Variants in PPP1R42 observed in about 807,000 individuals in gnomAD.
The protein encoded by PPP1R42 is protein phosphatase 1 regulatory subunit 42.
Under a neutral mutation model 31.0 loss-of-function variants are expected in PPP1R42, and 34 were observed. That is an observed-to-expected ratio of 1.10 (90% CI 0.83 to 1.46). The LOEUF is 1.46. PPP1R42 is among the 40% of genes most tolerant of loss of function. The pLI is 0.00. For synonymous variants in PPP1R42, 103 were observed against 109.8 expected (o/e 0.94, Z 0.39); for missense variants, 268 against 303.0 (o/e 0.88, Z 0.86).
At chr8:67,018,196 A>G (rs570294219) in intron 1 of PPP1R42, among the ~76,000 whole-genome samples, 2 of 151,278 alleles carry the variant, frequency 1.3e-5, no homozygotes, top group East Asian at 2.0e-4. Context: ...GCTCACTGCA[A>G]TCTCCCCCTC....
chr8:66,993,504 A>G (rs1815249986), intron 5 of PPP1R42, among the ~76,000 whole-genome samples: 1 of 152,164 alleles, frequency 6.6e-6, no homozygotes, highest in Non-Finnish European at 1.5e-5. Flanking sequence ...AACCTGCCCC[A>G]GGACCTTGGC....
chr8:66,984,526 G>C, intron 6 of PPP1R42: 1 of 1,262,980 alleles, frequency 7.9e-7, no homozygotes, highest in Non-Finnish European at 1.2e-6. Context: ...CTTGGCTGGG[G>C]TGCTAAATTT....
intron 1 of PPP1R42, among the ~76,000 whole-genome samples, chr8:67,022,745 C>T (rs182622548): frequency 6.6e-6 from 1 of 152,182 alleles, no homozygotes; most frequent in African/African-American, 2.4e-5. Flanking sequence ...CCAATTACCC[C>T]AGTACTTGGG....
At chr8:66,976,999 C>A (rs1367815191) in intron 7 of PPP1R42, among the ~76,000 whole-genome samples, 3 of 147,824 alleles carry the variant, frequency 2.0e-5, no homozygotes, top group Admixed American at 2.0e-4. Context: ...CAAGGAAAAT[C>A]TGGTAGTGTT....
intron 5 of PPP1R42, among the ~76,000 whole-genome samples, chr8:66,996,307 C>T (rs1480926647): frequency 1.3e-5 from 2 of 152,226 alleles, no homozygotes; most frequent in Non-Finnish European, 2.9e-5. Context: ...CTGCCTTGGC[C>T]TCCCAAAGTG....
At chr8:67,001,271 G>A (rs1350660376) in intron 5 of PPP1R42, among the ~76,000 whole-genome samples, 4 of 144,006 alleles carry the variant, frequency 2.8e-5, no homozygotes, top group Admixed American at 1.4e-4. Flanking sequence ...GGCTGCTCTC[G>A]AACTCCTGGG....
chr8:67,007,666 C>T (rs1367709378), intron 5 of PPP1R42, among the ~76,000 whole-genome samples: 1 of 152,168 alleles, frequency 6.6e-6, no homozygotes, highest in African/African-American at 2.4e-5. Flanking sequence ...GGAAGCTATT[C>T]TGAGTATCAT....
intron 7 of PPP1R42, among the ~76,000 whole-genome samples, chr8:66,976,611 G>GTTT (rs561585989): frequency 7.5e-6 from 1 of 133,420 alleles, no homozygotes. Flanking sequence ...CAACTTTTTG[G>GTTT]TTTTTTTTTT....
intron 7 of PPP1R42, among the ~76,000 whole-genome samples, chr8:66,971,343 A>G (rs1814533720): frequency 6.6e-6 from 1 of 152,188 alleles, no homozygotes; most frequent in Non-Finnish European, 1.5e-5. Flanking sequence ...TTCATGATCA[A>G]CTCTTAAAAT....
Position 66,982,108 on chromosome 8 carries a change from G to A in PPP1R42, c.743C>T (p.Ala248Val). ...GCTCCTTTTTTTGCTGATTTTCTTG[G>A]CATCTTTGGATGCTTTCCAATTCAT... ...FLMNWKASKDAKKISKKRSSK... is the reference protein window; with the variant it reads ...FLMNWKASKDVKKISKKRSSK... The change falls in exon 7 of 8, where the codon GCC becomes GTC. Residue 248 changes from alanine (A) to valine (V), a missense_variant. Coordinates refer to ENST00000685739, the MANE Select transcript of PPP1R42 (RefSeq NM_001364910.1). 1.3e-6 allele frequency: 2 copies of A among 1,492,210 alleles called. No individual in the cohort carries two copies. The highest frequency in any genetic ancestry group is 2.5e-5 in the Admixed American group (1 of 40,680). 92.4% of individuals were successfully genotyped at this position (1,492,210 alleles called of 1,614,324 possible). A position where few individuals can be genotyped will look rare whatever the true frequency, so the allele number is the denominator to read the frequency against.
intron 7 of PPP1R42, among the ~76,000 whole-genome samples, chr8:66,964,898 A>C (rs1482019287): frequency 6.6e-6 from 1 of 152,178 alleles, no homozygotes; most frequent in Non-Finnish European, 1.5e-5. Flanking sequence ...CATTACTCTC[A>C]TTCTCCAAAA....
intron 7 of PPP1R42, among the ~76,000 whole-genome samples, chr8:66,980,336 C>A (rs754992670): frequency 6.6e-6 from 1 of 152,106 alleles, no homozygotes; most frequent in Admixed American, 6.5e-5. Flanking sequence ...CAGTGATCCT[C>A]CTTCCTCAGC....
At chr8:67,007,885 T>TC (rs1815733117) in intron 5 of PPP1R42, among the ~76,000 whole-genome samples, 1 of 133,238 alleles carries the variant, frequency 7.5e-6, no homozygotes, top group Non-Finnish European at 1.6e-5. Flanking sequence ...TAACTGTTCC[T>TC]TTTTTTTTTT....
At position 66,964,114 on chromosome 8, in the gene PPP1R42, TC is replaced by T. The variant is rs147434163; in HGVS notation, c.*206del. 0.026 allele frequency: 10,078 copies of T among 383,502 alleles called. 384 individuals are homozygous for T. The highest frequency in any genetic ancestry group is 0.087 in the African/African-American group (4,037 of 46,340). 23.8% of individuals were successfully genotyped at this position (383,502 alleles called of 1,614,324 possible). On this transcript the variant is annotated 3_prime_UTR_variant, in exon 8 of 8. Transcript: ENST00000685739. The stretch of plus-strand genomic sequence containing the variant: ...AATCAAACAATAACTTAAAAGTTTT[TC>T]CTTATATTATGAGATACCATAAAGC...
chr8:66,966,893 T>C (rs1283408447), intron 7 of PPP1R42, among the ~76,000 whole-genome samples: 2 of 152,236 alleles, frequency 1.3e-5, no homozygotes, highest in African/African-American at 4.8e-5. Context: ...TAACTCTTGT[T>C]CACAGAGTAA....
chr8:66,985,027 T>G, intron 6 of PPP1R42: 1 of 1,491,546 alleles, frequency 6.7e-7, no homozygotes, highest in South Asian at 1.1e-5. Flanking sequence ...CTCTCTAAGG[T>G]TAAAGCCATT....
At chr8:66,993,604 C>T (rs530056010) in intron 5 of PPP1R42, among the ~76,000 whole-genome samples, 19 of 152,344 alleles carry the variant, frequency 1.2e-4, no homozygotes, top group African/African-American at 4.6e-4. Context: ...ACCTCTCTAA[C>T]TAGGACAGAT....
At chr8:66,969,126 C>T (rs1451790603) in intron 7 of PPP1R42, among the ~76,000 whole-genome samples, 3 of 152,272 alleles carry the variant, frequency 2.0e-5, no homozygotes, top group Admixed American at 6.5e-5. Flanking sequence ...TCAGTGTACT[C>T]CTAGTGACTT....
At chr8:66,992,354 C>T (rs527550779) in intron 5 of PPP1R42, among the ~76,000 whole-genome samples, 6 of 152,144 alleles carry the variant, frequency 3.9e-5, no homozygotes, top group South Asian at 4.2e-4. Flanking sequence ...CTTTTCAAAC[C>T]GCTAATCTCA....
Sources: allele counts gnomAD v4.1 joint callset (sites outside exome capture counted in the v4.1 genomes callset), GRCh38; gene constraint gnomAD v4.1.1; transcripts MANE v1.5; gene names NCBI Gene and HGNC (gene_info 2026-07-23, HGNC 2026-07-21).